The following SNX13 variants were observed in gnomAD, a reference collection of about 807,000 sequenced individuals.
SNX13 encodes the protein sorting nexin 13.
A neutral mutation model predicts 133.6 loss-of-function variants in SNX13; 45 were observed. That is an observed-to-expected ratio of 0.34 (90% CI 0.27 to 0.43). SNX13 has a LOEUF of 0.43. SNX13 is among the 20% of genes least tolerant of loss of function. The pLI is 1.00. For synonymous variants in SNX13, 414 were observed against 373.9 expected, an observed-to-expected ratio of 1.11 and a Z score of -1.24; for missense variants, 1,032 against 1,145.1, an observed-to-expected ratio of 0.90 and a Z score of 1.43.
intron 1 of SNX13, among the ~76,000 whole-genome samples, chr7:17,918,446 A>G (rs1203029733): frequency 6.6e-6 from 1 of 152,076 alleles, no homozygotes; most frequent in East Asian, 1.9e-4. Flanking sequence ...AAAAAAAAAA[A>G]AATTTAAAAA....
intron 12 of SNX13, among the ~76,000 whole-genome samples, chr7:17,841,550 T>TCATA (rs1554321799): frequency 1.0e-4 from 3 of 30,088 alleles, no homozygotes; most frequent in African/African-American, 4.9e-4. Context: ...AGCCAGTTAT[T>TCATA]CATACACACA....
chr7:17,839,776 G>A (rs779177483), intron 13 of SNX13, 31 bp downstream of exon 13: 9 of 1,532,598 alleles, frequency 5.9e-6, no homozygotes, highest in African/African-American at 5.6e-5. Flanking sequence ...TACTGCTAAA[G>A]AAGAAAACAG....
intron 19 of SNX13, among the ~76,000 whole-genome samples, chr7:17,815,248 C>T (rs993427982): frequency 1.3e-5 from 2 of 152,106 alleles, no homozygotes; most frequent in African/African-American, 4.8e-5. Flanking sequence ...AGAAGATCCA[C>T]GTTAGAAAAC....
chr7:17,865,944 G>A (rs569108953), intron 9 of SNX13, among the ~76,000 whole-genome samples: 1 of 152,132 alleles, frequency 6.6e-6, no homozygotes, highest in South Asian at 2.1e-4. Context: ...GATACGCAGA[G>A]GAATGAAACT....
chr7:17,911,873 C>T (rs1371063848), intron 1 of SNX13, among the ~76,000 whole-genome samples: 1 of 152,034 alleles, frequency 6.6e-6, no homozygotes, highest in Non-Finnish European at 1.5e-5. Flanking sequence ...AAAGCCTAGA[C>T]TAAATAAGTC....
intron 15 of SNX13, chr7:17,830,304 C>G: frequency 1.0e-6 from 1 of 983,870 alleles, no homozygotes; most frequent in Non-Finnish European, 1.2e-6. Context: ...CATTCGTGTT[C>G]AGGAGAGTAA....
At chr7:17,824,881 T>C (rs1787705136) in intron 17 of SNX13, among the ~76,000 whole-genome samples, 1 of 152,036 alleles carries the variant, frequency 6.6e-6, no homozygotes, top group Non-Finnish European at 1.5e-5. Context: ...GCGATTCTCC[T>C]GCCTCAGCCT....
intron 8 of SNX13, among the ~76,000 whole-genome samples, chr7:17,869,789 T>C (rs1022254211): frequency 2.0e-5 from 3 of 152,162 alleles, no homozygotes; most frequent in African/African-American, 4.8e-5. Context: ...TATTTACGTA[T>C]GTAATTCCTT....
chr7:17,877,764 T>A (rs1794890738), intron 5 of SNX13, among the ~76,000 whole-genome samples: 1 of 152,000 alleles, frequency 6.6e-6, no homozygotes, highest in Non-Finnish European at 1.5e-5. Flanking sequence ...GATGTACAGA[T>A]TTCTATTTTC....
In SNX13 at chr7:17,873,548, T is replaced by C. The variant is rs778751876; in HGVS notation, c.733A>G (p.Ile245Val). The C allele has an allele frequency of 6.3e-7, 1 of 1,586,604 alleles. No homozygotes were observed. Residue 245 changes from isoleucine (I) to valine (V), a missense_variant, in exon 8 of 26, where the codon ATC becomes GTC. Physicochemically the swap from Ile to Val is conservative, Grantham distance 29. Transcript: ENST00000428135. ...CTTACCCTGACAAAGTATCGCATGA[T>C]CTTGTTCTGGAAATCTCCAGGAGGT... Reference protein sequence around the residue: ...LLPPGDFQNKIMRYFVREILA... With the variant: ...LLPPGDFQNKVMRYFVREILA...
chr7:17,799,932 C>CA (rs1410682075), intron 22 of SNX13, among the ~76,000 whole-genome samples: 1 of 151,720 alleles, frequency 6.6e-6, no homozygotes, highest in Non-Finnish European at 1.5e-5. Flanking sequence ...TCCTCATCAA[C>CA]ACTGTAATTT....
At chr7:17,894,968 G>T (rs753210828) in intron 2 of SNX13, among the ~76,000 whole-genome samples, 1 of 152,094 alleles carries the variant, frequency 6.6e-6, no homozygotes, top group Non-Finnish European at 1.5e-5. Context: ...TTTGTAAAAG[G>T]CTGGTCTCAG....
intron 8 of SNX13, among the ~76,000 whole-genome samples, chr7:17,869,891 C>G (rs77555266): frequency 0.45 from 67,854 of 151,502 alleles, 15,710 homozygotes; most frequent in African/African-American, 0.57. Flanking sequence ...CACACACACA[C>G]ACACACACAC....
At chr7:17,934,554 A>T (rs1434508356) in intron 1 of SNX13, among the ~76,000 whole-genome samples, 2 of 152,220 alleles carry the variant, frequency 1.3e-5, no homozygotes, top group South Asian at 2.1e-4. Flanking sequence ...GGGGGCCCAG[A>T]GATAACAAAA....
chr7:17,895,351 C>A (rs1797089653), intron 2 of SNX13, among the ~76,000 whole-genome samples: 1 of 152,046 alleles, frequency 6.6e-6, no homozygotes, highest in South Asian at 2.1e-4. Flanking sequence ...ATGAAAGTAT[C>A]CTACAACAAC....
chr7:17,816,048 C>G, intron 19 of SNX13, 134 bp downstream of exon 19: 1 of 895,622 alleles, frequency 1.1e-6, no homozygotes, highest in Non-Finnish European at 1.6e-6. Context: ...TCACATTTGA[C>G]ATGCTGCACA....
chr7:17,883,736 G>A (rs111551925), intron 5 of SNX13, among the ~76,000 whole-genome samples: 6 of 151,262 alleles, frequency 4.0e-5, no homozygotes, highest in South Asian at 2.1e-4. Flanking sequence ...AAGAGGCCCC[G>A]GTGTGTGATG....
Position 17,891,608 on chromosome 7 carries a change from T to C in SNX13, c.256A>G (p.Arg86Gly). 1 of 1,612,412 alleles carries C rather than the reference T, an allele frequency of 6.2e-7. No homozygotes were observed. Among genetic ancestry groups the C allele is most frequent in the Non-Finnish European group, 8.5e-7 (1 of 1,178,940 alleles). The change falls in exon 4 of 26, where the codon AGG becomes GGG. Residue 86 changes from arginine to glycine, a missense_variant. Coordinates refer to ENST00000428135, the MANE Select transcript of SNX13 (RefSeq NM_015132.5). Reference sequence around the variant, plus strand: ...AATCTTCTATCAATCTTAATAGTCCTGGCTTCCCGTTTCATTTCTTCTAAG... The same window carrying C: ...AATCTTCTATCAATCTTAATAGTCCCGGCTTCCCGTTTCATTTCTTCTAAG... ...KCLEEMKREA[R>G]TIKIDRRLTG...
chr7:17,809,339 C>G (rs935202827), intron 20 of SNX13, among the ~76,000 whole-genome samples: 2 of 84,840 alleles, frequency 2.4e-5, no homozygotes, highest in Non-Finnish European at 5.1e-5. Context: ...TCTGATAAAA[C>G]AGACTTTAAA....
Sources: allele counts gnomAD v4.1 joint callset (sites outside exome capture counted in the v4.1 genomes callset), GRCh38; gene constraint gnomAD v4.1.1; transcripts MANE v1.5; gene names NCBI Gene and HGNC (gene_info 2026-07-23, HGNC 2026-07-21).